NNT: variants seen among roughly 807,000 people sequenced by gnomAD.
The protein encoded by NNT is NAD(P) transhydrogenase, mitochondrial.
In NNT, 50 loss-of-function variants were observed where a neutral mutation model predicts 104.8. That is an observed-to-expected ratio of 0.48 (90% CI 0.38 to 0.60). The LOEUF (loss-of-function observed/expected upper bound fraction) is 0.60, where lower values mean the gene tolerates loss of function less well. Ranked by LOEUF, NNT falls within the 20% of genes least tolerant of loss-of-function variation. The probability of loss-of-function intolerance (pLI) is 0.00; values close to 1 mark genes in which losing one functional copy is unlikely to be tolerated. For synonymous variants in NNT, 461 were observed against 490.4 expected, an observed-to-expected ratio of 0.94 and a Z score of 0.79; for missense variants, 1,131 against 1,330.7, an observed-to-expected ratio of 0.85 and a Z score of 2.33.
intron 19 of NNT, among the ~76,000 whole-genome samples, chr5:43,698,897 C>A (rs1742704132): frequency 6.9e-6 from 1 of 145,392 alleles, no homozygotes; most frequent in East Asian, 2.0e-4. Flanking sequence ...ATATACACTA[C>A]ATATATATAT....
intron 17 of NNT, among the ~76,000 whole-genome samples, chr5:43,667,512 G>T (rs557069196): frequency 1.3e-5 from 2 of 152,178 alleles, no homozygotes; most frequent in East Asian, 3.9e-4. Context: ...GTGAGAACAT[G>T]CAGTGTTTGG....
Position 43,612,334 on chromosome 5 carries a change from G to A in NNT, c.152-574G>A, listed in dbSNP as rs550326998. 6.3e-4 allele frequency among the ~76,000 whole-genome samples: 96 copies of A among 152,168 alleles called. 1 individual carries two copies. The highest frequency in any genetic ancestry group is 1.2e-3 in the Non-Finnish European group (79 of 68,034). On this transcript the variant is annotated intron_variant, in intron 2 of 21. Coordinates refer to ENST00000344920, the MANE Select transcript of NNT (RefSeq NM_182977.3). ...GCTGCTAGTTTTCCTTGTCTGCCCT[G>A]TAGATGATTGTCCTTGACACAGTTG...
intron 12 of NNT, among the ~76,000 whole-genome samples, 183 bp downstream of exon 12, chr5:43,650,770 G>A (rs1243951849): frequency 1.3e-5 from 2 of 152,118 alleles, no homozygotes; most frequent in Non-Finnish European, 2.9e-5. Context: ...CTTGATAAAA[G>A]AACAACCCCC....
At chr5:43,697,523 A>G (rs778474925) in intron 19 of NNT, among the ~76,000 whole-genome samples, 1 of 152,180 alleles carries the variant, frequency 6.6e-6, no homozygotes, top group Non-Finnish European at 1.5e-5. Flanking sequence ...CACATTTTTG[A>G]GTATCTTTTC....
In NNT at chr5:43,612,975, A is replaced by G. The variant is rs1017719570; in HGVS notation, c.219A>G (p.Ala73=). The G allele has an allele frequency of 1.2e-6, 2 of 1,613,982 alleles. No homozygotes were observed. The highest frequency in any genetic ancestry group is 1.7e-5 in the Admixed American group (1 of 59,992). ...KEIFQNEKRV[A]LSPAGVQNLV... ...TATTCCAAAATGAGAAGCGAGTGGC[A>G]TTGTCTCCTGCTGGTGTTCAGAACT... Residue 73 remains alanine (A), a synonymous_variant, in exon 3 of 22, where the codon GCA becomes GCG. Coordinates refer to ENST00000344920, the MANE Select transcript of NNT (RefSeq NM_182977.3).
At chr5:43,694,045 G>T (rs1354446024) in intron 19 of NNT, among the ~76,000 whole-genome samples, 1 of 152,168 alleles carries the variant, frequency 6.6e-6, no homozygotes, top group Non-Finnish European at 1.5e-5. Flanking sequence ...ATTTCGTAAT[G>T]TGGAATTTTG....
intron 5 of NNT, among the ~76,000 whole-genome samples, chr5:43,621,373 C>A (rs1185566930): frequency 2.6e-5 from 4 of 152,060 alleles, no homozygotes; most frequent in African/African-American, 9.7e-5. Flanking sequence ...GGCCCCTGGC[C>A]TAGATTGAAT....
chr5:43,655,946 C>T lies in NNT; in HGVS notation c.2166C>T (p.Tyr722=), dbSNP rs1450075058. 3.1e-6 allele frequency: 5 copies of T among 1,614,002 alleles called. No individual in the cohort carries two copies. Among genetic ancestry groups the T allele is most frequent in the Admixed American group, 3.3e-5 (2 of 60,006 alleles). ...CTGTACTTACTTGCATAGCTGAGTA[C>T]ATTATAGAATATCCACATTTTGCTA... ...LAAVLTCIAE[Y]IIEYPHFATD... is the part of the protein sequence containing the mutation. Residue 722 remains tyrosine (Y), a synonymous_variant, in exon 15 of 22, where the codon TAC becomes TAT. Coordinates refer to ENST00000344920, the MANE Select transcript of NNT (RefSeq NM_182977.3).
chr5:43,679,808 G>A (rs1391214818), intron 19 of NNT, among the ~76,000 whole-genome samples: 1 of 151,832 alleles, frequency 6.6e-6, no homozygotes, highest in Non-Finnish European at 1.5e-5. Context: ...GTGTGAATAG[G>A]ACCAAAGCCT....
chr5:43,643,686 T>C (rs541673811), intron 7 of NNT, among the ~76,000 whole-genome samples: 1 of 152,298 alleles, frequency 6.6e-6, no homozygotes, highest in East Asian at 1.9e-4. Context: ...TAAATTAAGG[T>C]AGGTTAATAT....
At chr5:43,620,102 A>G (rs1034472076) in intron 5 of NNT, among the ~76,000 whole-genome samples, 3 of 152,168 alleles carry the variant, frequency 2.0e-5, no homozygotes, top group African/African-American at 7.2e-5. Context: ...ATTTGGGATC[A>G]AATGTCAACA....
At chr5:43,628,425 T>C (rs777409229) in intron 7 of NNT, 38 bp downstream of exon 7, 2 of 1,463,760 alleles carry the variant, frequency 1.4e-6, no homozygotes, top group East Asian at 2.4e-5. Context: ...AAAAGCACTT[T>C]TACTCTTTTT....
intron 19 of NNT, among the ~76,000 whole-genome samples, chr5:43,693,998 G>T (rs7708386): frequency 2.6e-5 from 4 of 152,064 alleles, no homozygotes; most frequent in African/African-American, 9.7e-5. Flanking sequence ...TAGTCTTTGT[G>T]TCCCATTCCT....
At chr5:43,687,667 G>T (rs909801849) in intron 19 of NNT, among the ~76,000 whole-genome samples, 2 of 152,082 alleles carry the variant, frequency 1.3e-5, no homozygotes, top group African/African-American at 4.8e-5. Flanking sequence ...ATAAAGTTTA[G>T]TGTAATAAAT....
chr5:43,679,034 T>A (rs1381319410), intron 19 of NNT, among the ~76,000 whole-genome samples: 1 of 152,120 alleles, frequency 6.6e-6, no homozygotes, highest in Non-Finnish European at 1.5e-5. Flanking sequence ...TTATTGAGAG[T>A]CTTAGATGAA....
At chr5:43,688,416 T>A (rs1742094041) in intron 19 of NNT, among the ~76,000 whole-genome samples, 1 of 151,998 alleles carries the variant, frequency 6.6e-6, no homozygotes, top group Non-Finnish European at 1.5e-5. Flanking sequence ...ATTTTTAAAA[T>A]TTTTTTTCAA....
rs2112282615 is a variant in NNT at position 43,707,009 on chromosome 5, T to C, written c.*2605T>C. 1 of 152,184 alleles carries C rather than the reference T, an allele frequency of 6.6e-6. No individual in the cohort carries two copies. Among genetic ancestry groups the C allele is most frequent in the South Asian group, 2.1e-4 (1 of 4,820 alleles). 9.4% of individuals were successfully genotyped at this position (152,184 alleles called of 1,614,324 possible). A position where few individuals can be genotyped will look rare whatever the true frequency, so the allele number is the denominator to read the frequency against. On this transcript the variant is annotated 3_prime_UTR_variant, in exon 22 of 22. Transcript: ENST00000344920. The stretch of plus-strand genomic sequence containing the variant: ...TGGGGAGGGATAGCATTAGGAGATA[T>C]ACCTAATGTAAATGATGAGTTAATG...
Position 43,645,411 on chromosome 5 carries a change from C to G in NNT, c.1345C>G (p.Pro449Ala), listed in dbSNP as rs777489818. The change falls in exon 10 of 22, where the codon CCA becomes GCA. Residue 449 changes from proline to alanine, a missense_variant. Pro to Ala is a conservative substitution (Grantham distance 27). Transcript: ENST00000344920. ...PTPKNIPQGAPVKQKTVAELE... is the reference protein window; with the variant it reads ...PTPKNIPQGAAVKQKTVAELE... ...ACCGAAAAATATTCCTCAAGGTGCC[C>G]CAGTAAAACAGAAGACAGTGGCTGA... is the stretch of plus-strand genomic sequence containing the variant. The G allele has an allele frequency of 2.1e-4, 334 of 1,566,858 alleles. No individual in the cohort carries two copies. The highest frequency in any genetic ancestry group is 2.8e-4 in the Non-Finnish European group (320 of 1,155,134).
chr5:43,628,081 G>T, intron 6 of NNT, 119 bp from the exon 7 acceptor site: 1 of 686,726 alleles, frequency 1.5e-6, no homozygotes. Flanking sequence ...AAATCAAAGG[G>T]ACTGTTGACT....
Sources: allele counts gnomAD v4.1 joint callset (sites outside exome capture counted in the v4.1 genomes callset), GRCh38; gene constraint gnomAD v4.1.1; transcripts MANE v1.5; gene names NCBI Gene and HGNC (gene_info 2026-07-23, HGNC 2026-07-21).